Variants in DENND2B observed in about 807,000 individuals in gnomAD.
DENND2B encodes the protein DENN domain-containing protein 2B.
Under a neutral mutation model 116.0 loss-of-function variants are expected in DENND2B, and 32 were observed. That is an observed-to-expected ratio of 0.28 (90% CI 0.21 to 0.37). DENND2B has a LOEUF of 0.37. DENND2B is among the 10% of genes least tolerant of loss of function. The pLI is 1.00. For synonymous variants in DENND2B, 588 were observed against 583.9 expected (o/e 1.01, Z -0.10); for missense variants, 1,276 against 1,477.7 (o/e 0.86, Z 2.24).
intron 1 of DENND2B, among the ~76,000 whole-genome samples, chr11:8,775,408 C>A (rs1183653770): frequency 1.3e-5 from 2 of 152,192 alleles, no homozygotes; most frequent in Non-Finnish European, 2.9e-5. Flanking sequence ...GCTGTTCCAA[C>A]TCCAAAAAGC....
intron 15 of DENND2B, 25 bp from the exon 16 acceptor site, chr11:8,698,999 G>C: frequency 6.2e-7 from 1 of 1,613,792 alleles, no homozygotes; most frequent in South Asian, 1.1e-5. Context: ...CATTAGCAGA[G>C]TGGCTCAGGG....
rs1031702303 is a variant in DENND2B, at chr11:8,693,617, T to C, written c.*479A>G. ...AAACAGAGGGTATGGGTATGCGGAC[T>C]ACCAGCAAAAAATAGAAACTTGATT... On this transcript the variant is annotated 3_prime_UTR_variant, in exon 20 of 20. Transcript: ENST00000313726. 7.1e-5 allele frequency: 11 copies of C among 155,340 alleles called. No individual in the cohort carries two copies. Among genetic ancestry groups the C allele is most frequent in the African/African-American group, 2.7e-4 (11 of 41,506 alleles). The allele number at this position is 155,340 out of a possible 1,614,324, so 9.6% of individuals were successfully genotyped here. A position where few individuals can be genotyped will look rare whatever the true frequency, so the allele number is the denominator to read the frequency against.
intron 2 of DENND2B, among the ~76,000 whole-genome samples, chr11:8,864,210 T>C (rs1017312893): frequency 3.3e-5 from 5 of 152,138 alleles, no homozygotes. Flanking sequence ...ACAGCAATAT[T>C]TGGATCAGGA....
intron 1 of DENND2B, among the ~76,000 whole-genome samples, chr11:8,906,209 T>C (rs1348052730): frequency 1.4e-5 from 2 of 144,390 alleles, no homozygotes; most frequent in Non-Finnish European, 3.0e-5. Flanking sequence ...TTTTTTCTTT[T>C]TTTTTTTTTT....
upstream of DENND2B, chr11:8,810,757 T>C (rs1356006770): frequency 3.3e-5 from 5 of 152,184 alleles, no homozygotes; most frequent in African/African-American, 7.3e-5. Flanking sequence ...CGGCGCGCTC[T>C]TGGCCTAGCG....
chr11:8,753,236 C>CCCAGAGG (rs1170108893), intron 1 of DENND2B, among the ~76,000 whole-genome samples: 2 of 150,880 alleles, frequency 1.3e-5, no homozygotes, highest in Admixed American at 6.6e-5. Flanking sequence ...GACTCTGCCT[C>CCCAGAGG]CAAAAAGAAA....
At chr11:8,727,424 A>G (rs1483876714) in intron 3 of DENND2B, among the ~76,000 whole-genome samples, 2 of 152,108 alleles carry the variant, frequency 1.3e-5, no homozygotes, top group African/African-American at 2.4e-5. Flanking sequence ...TGCCTCTGTG[A>G]CACATTCCCT....
At position 8,730,385 on chromosome 11, in the gene DENND2B, TG is replaced by T; in HGVS notation, c.904del (p.Gln302SerfsTer31). ...LKEQPGRGLP[Q>X]LPSSCYSVDR... ...CACGCTGTAGCAGCTGCTGGGGAGCTGGGGGAGCCCCCGGCCCGGCTGCTCC... is the reference window on the plus strand; with the variant it reads ...CACGCTGTAGCAGCTGCTGGGGAGCTGGGGAGCCCCCGGCCCGGCTGCTCC... On this transcript the variant is annotated frameshift_variant, in exon 3 of 20. Transcript: ENST00000313726. LOFTEE classifies it high-confidence loss of function. The surrounding 1 kb of genome is among the most constrained non-coding windows in gnomAD (Gnocchi z 4.1). The T allele has an allele frequency of 1.2e-6, 2 of 1,605,240 alleles. No homozygotes were observed.
At chr11:8,889,630 G>A (rs1283768167) in intron 1 of DENND2B, among the ~76,000 whole-genome samples, 1 of 152,216 alleles carries the variant, frequency 6.6e-6, no homozygotes, top group African/African-American at 2.4e-5. Context: ...CATGTCCATG[G>A]AGCCTGGCTC....
intron 3 of DENND2B, among the ~76,000 whole-genome samples, chr11:8,841,990 C>T (rs919293676): frequency 1.3e-5 from 2 of 152,168 alleles, no homozygotes; most frequent in Non-Finnish European, 2.9e-5. Flanking sequence ...CAGCACAAGG[C>T]GGCATCACAA....
intron 1 of DENND2B, among the ~76,000 whole-genome samples, chr11:8,779,514 C>CTTTCT (rs1555187427): frequency 1.3e-4 from 4 of 31,442 alleles, no homozygotes; most frequent in African/African-American, 3.1e-4. Flanking sequence ...TTCTTTCTTT[C>CTTTCT]TTTTTTTTTT....
chr11:8,803,235 A>T (rs1259081259), intron 1 of DENND2B, among the ~76,000 whole-genome samples: 1 of 151,774 alleles, frequency 6.6e-6, no homozygotes, highest in Non-Finnish European at 1.5e-5. Context: ...AAATACAAAA[A>T]TTAGCCAGGT....
chr11:8,751,796 A>G (rs928491462), intron 1 of DENND2B, among the ~76,000 whole-genome samples: 3 of 152,166 alleles, frequency 2.0e-5, no homozygotes, highest in African/African-American at 7.2e-5. Flanking sequence ...CTTAAGTTAG[A>G]GTTTCCTTAA....
intron 18 of DENND2B, 31 bp downstream of exon 18, chr11:8,696,396 T>A (rs2040363201): frequency 6.2e-7 from 1 of 1,609,864 alleles, no homozygotes; most frequent in East Asian, 2.2e-5. Context: ...GGTGAAAAAA[T>A]TAGAGAAGAG....
At chr11:8,776,160 GCACA>G (rs368050554) in intron 1 of DENND2B, 15,561 of 390,146 alleles carry the variant, frequency 0.04, 314 homozygotes, top group Non-Finnish European at 0.056. Context: ...GCGCGCGCGC[GCACA>G]CACACACACA....
At chr11:8,750,246 G>GT in intron 2 of DENND2B, among the ~76,000 whole-genome samples, 1 of 152,198 alleles carries the variant, frequency 6.6e-6, no homozygotes, top group Admixed American at 6.5e-5. Flanking sequence ...GCTAATATGC[G>GT]TAACTGCCTC....
chr11:8,872,243 T>G (rs932665588), upstream of DENND2B, among the ~76,000 whole-genome samples: 3 of 152,104 alleles, frequency 2.0e-5, no homozygotes, highest in Non-Finnish European at 4.4e-5. Context: ...ATCCCAGCAC[T>G]TTGGAGGCCA....
Position 8,711,105 on chromosome 11 carries a change from G to A in DENND2B, c.2282+17C>T. ...AAGGCTATGCTCCTTCCTCCCTCAG[G>A]CCAGGCCAGGCCTCACCTGCTATAC... On this transcript the variant is annotated intron_variant, in intron 10 of 19. Coordinates refer to ENST00000313726, the MANE Select transcript of DENND2B (RefSeq NM_213618.2). The A allele has an allele frequency of 1.9e-6, 3 of 1,611,136 alleles. No homozygotes were observed. The highest frequency in any genetic ancestry group is 2.5e-6 in the Non-Finnish European group (3 of 1,177,432).
Position 8,717,784 on chromosome 11 carries a change from A to G in DENND2B, c.1586T>C (p.Met529Thr), listed in dbSNP as rs760417952. The stretch of plus-strand genomic sequence containing the variant: ...GTACTTCCTGTCCTGAGGACTCCAC[A>G]TCCTGTGCAAAGAGTCCAAGGAGTT... ...SENSLDSLHR[M>T]WSPQDRKYNS... Residue 529 changes from methionine to threonine, a missense_variant, in exon 5 of 20, where the codon ATG becomes ACG. Around this residue, in one of 2 missense-constraint regions of DENND2B, gnomAD observed 856 missense variants for 846.6 expected, o/e 1.01. Transcript: ENST00000313726. 3.1e-6 allele frequency: 5 copies of G among 1,607,726 alleles called. No individual in the cohort carries two copies. The highest frequency in any genetic ancestry group is 1.7e-4 in the Middle Eastern group (1 of 6,004).
Sources: gnomAD v4.1 joint callset for allele counts (sites outside exome capture counted in the v4.1 genomes callset) on GRCh38, gnomAD v4.1.1 for gene constraint, gnomAD v4.1.1 regional missense constraint, Gnocchi (gnomAD v3.1) non-coding constraint, MANE v1.5 for transcripts, NCBI Gene and HGNC (gene_info 2026-07-23, HGNC 2026-07-21) for gene names.